Variants in FAM135B observed in about 807,000 individuals in gnomAD.
FAM135B encodes family with sequence similarity 135 member B, also known as protein FAM135B.
In FAM135B, 43 loss-of-function variants were observed where a neutral mutation model predicts 127.7. That is an observed-to-expected ratio of 0.34 (90% CI 0.26 to 0.43). The LOEUF (loss-of-function observed/expected upper bound fraction) is 0.43, where lower values mean the gene tolerates loss of function less well. Ranked by LOEUF, FAM135B falls within the 20% of genes least tolerant of loss-of-function variation. The pLI, the probability that FAM135B is intolerant of heterozygous loss-of-function variation, is 1.00. For synonymous variants in FAM135B, 670 were observed against 665.1 expected, an observed-to-expected ratio of 1.01 and a Z score of -0.11; for missense variants, 1,558 against 1,725.6, an observed-to-expected ratio of 0.90 and a Z score of 1.72.
At chr8:138,236,697 G>A (rs755341883) in intron 7 of FAM135B, among the ~76,000 whole-genome samples, 1 of 152,184 alleles carries the variant, frequency 6.6e-6, no homozygotes, top group Non-Finnish European at 1.5e-5. Flanking sequence ...GCACATAAGT[G>A]GCTTACCAGC....
intron 1 of FAM135B, among the ~76,000 whole-genome samples, chr8:138,483,148 C>T (rs1156530208): frequency 6.6e-6 from 1 of 152,128 alleles, no homozygotes; most frequent in Non-Finnish European, 1.5e-5. Context: ...GCTTAAAGTG[C>T]AAAAGTTAAC....
At chr8:138,247,114 G>A (rs1563816702) in intron 6 of FAM135B, among the ~76,000 whole-genome samples, 1 of 152,238 alleles carries the variant, frequency 6.6e-6, no homozygotes, top group African/African-American at 2.4e-5. Flanking sequence ...AGGCTCATAG[G>A]CAGAAGGGAC....
chr8:138,220,408 G>A (rs1447196394), intron 7 of FAM135B, among the ~76,000 whole-genome samples: 1 of 152,148 alleles, frequency 6.6e-6, no homozygotes, highest in Non-Finnish European at 1.5e-5. Context: ...AAAAAGCATC[G>A]TTGTTGAGCC....
Position 138,387,801 on chromosome 8 carries a change from T to C in FAM135B, c.-19-19799A>G, listed in dbSNP as rs528364011. ...TGAACCACTTACTCTCAAGTCCCAG[T>C]CATCTCTCTCCCTACTCCTAAAATA... On this transcript the variant is annotated intron_variant, in intron 1 of 19. Transcript: ENST00000395297. Among the ~76,000 whole-genome samples the C allele has an allele frequency of 1.1e-4, 17 of 152,206 alleles. 1 individual carries two copies. In the Middle Eastern group the frequency reaches 0.017, roughly 152 times the overall value.
chr8:138,362,341 C>A (rs963039548), intron 2 of FAM135B, among the ~76,000 whole-genome samples: 3 of 137,420 alleles, frequency 2.2e-5, no homozygotes, highest in African/African-American at 5.5e-5. Context: ...ATGGTAGGGA[C>A]CATTCATCTG....
chr8:138,404,748 T>C (rs1162739405), intron 1 of FAM135B, among the ~76,000 whole-genome samples: 2 of 152,200 alleles, frequency 1.3e-5, no homozygotes, highest in African/African-American at 4.8e-5. Flanking sequence ...CAAAGTTTTA[T>C]CATGAGATTG....
intron 4 of FAM135B, among the ~76,000 whole-genome samples, chr8:138,264,391 C>T (rs1822762161): frequency 6.6e-6 from 1 of 152,186 alleles, no homozygotes; most frequent in Non-Finnish European, 1.5e-5. Flanking sequence ...GCAGGACCAT[C>T]ATGAGGTCTC....
chr8:138,415,382 T>A (rs1238755319), intron 1 of FAM135B, among the ~76,000 whole-genome samples: 1 of 152,192 alleles, frequency 6.6e-6, no homozygotes, highest in East Asian at 1.9e-4. Context: ...GAACTGACTC[T>A]GACCTCACAA....
chr8:138,487,594 G>A (rs2131690862), intron 1 of FAM135B, among the ~76,000 whole-genome samples: 1 of 140,070 alleles, frequency 7.1e-6, no homozygotes, highest in African/African-American at 2.6e-5. Context: ...GCTGTCCACT[G>A]CATTCCTCAA....
chr8:138,389,822 T>C (rs1027992410), intron 1 of FAM135B, among the ~76,000 whole-genome samples: 4 of 152,220 alleles, frequency 2.6e-5, no homozygotes, highest in Non-Finnish European at 5.9e-5. Context: ...GTGTTATGTG[T>C]GTTTTACCAC....
intron 18 of FAM135B, among the ~76,000 whole-genome samples, chr8:138,138,409 G>T (rs912089004): frequency 1.3e-5 from 2 of 152,206 alleles, no homozygotes; most frequent in Non-Finnish European, 2.9e-5. Context: ...ACTGAGCAGG[G>T]CAATCAGTCA....
chr8:138,218,753 G>GCACA (rs139117207), intron 7 of FAM135B, among the ~76,000 whole-genome samples: 621 of 51,300 alleles, frequency 0.012, 3 homozygotes, highest in African/African-American at 0.032. Context: ...AAACTTACAC[G>GCACA]CACACACACA....
At chr8:138,264,908 T>C (rs1016019020) in intron 4 of FAM135B, among the ~76,000 whole-genome samples, 1 of 152,192 alleles carries the variant, frequency 6.6e-6, no homozygotes, top group Non-Finnish European at 1.5e-5. Context: ...TACTCTTTCA[T>C]ATAATTCTCG....
rs576089872 is a variant in FAM135B at position 138,320,387 on chromosome 8, C to T, written c.78-9467G>A. Among the ~76,000 whole-genome samples the T allele has an allele frequency of 1.5e-4, 23 of 152,286 alleles. 1 individual carries two copies. In the South Asian group the frequency reaches 4.8e-3, roughly 32 times the overall value. On this transcript the variant is annotated intron_variant, in intron 2 of 19. Coordinates refer to ENST00000395297, the MANE Select transcript of FAM135B (RefSeq NM_015912.4). ...AAAATGCAGGGCCATTTGGCTAGCA[C>T]CAAGCTTATTTTAGGGAAGGCAAAG...
intron 2 of FAM135B, among the ~76,000 whole-genome samples, chr8:138,314,879 C>CA (rs35189245): frequency 0.016 from 1,342 of 85,024 alleles, 19 homozygotes; most frequent in Non-Finnish European, 0.019. Flanking sequence ...GACCTTACCT[C>CA]AAAAAAAAAA....
intron 4 of FAM135B, among the ~76,000 whole-genome samples, chr8:138,258,818 CA>C (rs1289377370): frequency 2.3e-5 from 2 of 86,790 alleles, no homozygotes; most frequent in Non-Finnish European, 5.4e-5. Flanking sequence ...CACACACACA[CA>C]CACACACACA....
chr8:138,395,825 G>T (rs1832820906), intron 1 of FAM135B, among the ~76,000 whole-genome samples: 1 of 152,178 alleles, frequency 6.6e-6, no homozygotes, highest in South Asian at 2.1e-4. Flanking sequence ...CATGGTCTCT[G>T]CTGTTAATTA....
At chr8:138,288,992 C>G (rs756189960) in intron 3 of FAM135B, among the ~76,000 whole-genome samples, 3 of 152,136 alleles carry the variant, frequency 2.0e-5, no homozygotes, top group Non-Finnish European at 4.4e-5. Context: ...AAAACAGGGT[C>G]CTGCCCAGCC....
At chr8:138,295,198 A>C (rs1825398574) in intron 3 of FAM135B, among the ~76,000 whole-genome samples, 1 of 145,156 alleles carries the variant, frequency 6.9e-6, no homozygotes, top group Non-Finnish European at 1.5e-5. Flanking sequence ...TAGCTCATAA[A>C]GACTCCTACT....
Sources: gnomAD v4.1 joint callset for allele counts (sites outside exome capture counted in the v4.1 genomes callset) on GRCh38, gnomAD v4.1.1 for gene constraint, MANE v1.5 for transcripts, NCBI Gene and HGNC (gene_info 2026-07-23, HGNC 2026-07-21) for gene names.